Variants in NEURL1 observed in about 807,000 individuals in gnomAD.
The protein encoded by NEURL1 is E3 ubiquitin-protein ligase NEURL1.
A neutral mutation model predicts 41.2 loss-of-function variants in NEURL1; 26 were observed. That is an observed-to-expected ratio of 0.63 (90% CI 0.46 to 0.87). The LOEUF (loss-of-function observed/expected upper bound fraction) is 0.87. Among genes scored for constraint, NEURL1 ranks in the 40% least tolerant of loss-of-function variants. The probability of loss-of-function intolerance (pLI) is 0.00; values close to 1 mark genes in which losing one functional copy is unlikely to be tolerated. For missense variants in NEURL1, 761 were observed against 871.1 expected (o/e 0.87, Z 1.59); for synonymous variants, 400 against 402.3 (o/e 0.99, Z 0.07).
chr10:103,586,618 G>A (rs1426550697), intron 4 of NEURL1, among the ~76,000 whole-genome samples: 13 of 152,208 alleles, frequency 8.5e-5, no homozygotes, highest in Admixed American at 8.5e-4. Context: ...ATAGGCACAT[G>A]TGAGTAACTG....
chr10:103,531,551 G>A (rs1243203903), intron 1 of NEURL1, among the ~76,000 whole-genome samples: 2 of 151,178 alleles, frequency 1.3e-5, no homozygotes, highest in African/African-American at 4.9e-5. Context: ...CACTTTTTTT[G>A]AGACAGGGTC....
chr10:103,520,217 G>A (rs879313348), intron 1 of NEURL1, among the ~76,000 whole-genome samples: 6 of 152,188 alleles, frequency 3.9e-5, no homozygotes, highest in South Asian at 2.1e-4. Flanking sequence ...TGTCACGTAC[G>A]TCCGTGTGAA....
In NEURL1 at chr10:103,523,266, G is replaced by A. The variant is rs117222515; in HGVS notation, c.85+28794G>A. Among the ~76,000 whole-genome samples the A allele has an allele frequency of 5.6e-4, 85 of 151,992 alleles. 1 individual carries two copies. The East Asian group carries it at 0.015, about 27-fold the overall frequency. On this transcript the variant is annotated intron_variant, in intron 1 of 5. Transcript: ENST00000369780. ...GGCTAGGGGTTTGAGACCAGCATGG[G>A]CAACATAGTGAGACCCCCATCTTTA...
At chr10:103,549,231 A>G (rs575493265) in intron 1 of NEURL1, 1 of 152,602 alleles carries the variant, frequency 6.6e-6, no homozygotes, top group African/African-American at 2.4e-5. Flanking sequence ...AACTCCATCC[A>G]GGTTCTGTTT....
At chr10:103,577,790 T>A (rs1458217456) in intron 3 of NEURL1, 2 of 152,192 alleles carry the variant, frequency 1.3e-5, no homozygotes, top group African/African-American at 2.4e-5. Flanking sequence ...GTGGGGAAGG[T>A]CGGTCTGCCT....
intron 3 of NEURL1, among the ~76,000 whole-genome samples, chr10:103,581,285 C>G (rs1244650843): frequency 2.6e-5 from 4 of 152,170 alleles, no homozygotes; most frequent in Admixed American, 2.6e-4. Context: ...TGGATCACCC[C>G]AAAGCCCATG....
intron 5 of NEURL1, 68 bp downstream of exon 5, chr10:103,589,728 T>A: frequency 2.6e-6 from 4 of 1,544,248 alleles, no homozygotes; most frequent in Non-Finnish European, 3.5e-6. Flanking sequence ...AGCCTTTGTG[T>A]CCGGGGCTGG....
intron 3 of NEURL1, among the ~76,000 whole-genome samples, chr10:103,573,051 C>T (rs2035584032): frequency 6.6e-6 from 1 of 151,702 alleles, no homozygotes. Context: ...CTTCTGTCCA[C>T]AACACTTTTG....
chr10:103,552,968 G>T (rs184061580), intron 1 of NEURL1, among the ~76,000 whole-genome samples: 3 of 152,328 alleles, frequency 2.0e-5, no homozygotes, highest in Admixed American at 1.3e-4. Flanking sequence ...ATGGGAAGGG[G>T]GCATTCCAAG....
At chr10:103,531,311 T>G (rs2034564886) in intron 1 of NEURL1, among the ~76,000 whole-genome samples, 1 of 152,228 alleles carries the variant, frequency 6.6e-6, no homozygotes, top group Non-Finnish European at 1.5e-5. Context: ...TTTGTTGATT[T>G]CCTATCTAGA....
At chr10:103,514,753 A>T (rs977066949) in intron 1 of NEURL1, among the ~76,000 whole-genome samples, 8 of 152,280 alleles carry the variant, frequency 5.3e-5, no homozygotes, top group African/African-American at 1.7e-4. Context: ...TTCAAAACCC[A>T]GGGACCCTAA....
chr10:103,515,661 G>C (rs1231859104), intron 1 of NEURL1, among the ~76,000 whole-genome samples: 1 of 152,240 alleles, frequency 6.6e-6, no homozygotes, highest in East Asian at 1.9e-4. Context: ...ACCACCTAGT[G>C]AAACATTTAG....
chr10:103,555,616 G>A (rs1291175152), intron 1 of NEURL1, among the ~76,000 whole-genome samples: 1 of 152,102 alleles, frequency 6.6e-6, no homozygotes, highest in Non-Finnish European at 1.5e-5. Context: ...GCAGGAAGAG[G>A]GGTGCCTTCC....
intron 1 of NEURL1, among the ~76,000 whole-genome samples, chr10:103,552,497 C>A (rs1217273574): frequency 6.6e-6 from 1 of 152,222 alleles, no homozygotes; most frequent in Non-Finnish European, 1.5e-5. Context: ...GGGCCATTAG[C>A]CTTCAGATCT....
intron 1 of NEURL1, among the ~76,000 whole-genome samples, chr10:103,559,883 C>T (rs551268626): frequency 6.6e-6 from 1 of 151,844 alleles, no homozygotes; most frequent in South Asian, 2.1e-4. Context: ...TACGCACACA[C>T]ATACACACAT....
At chr10:103,495,630 C>G (rs999938722) in intron 1 of NEURL1, among the ~76,000 whole-genome samples, 2 of 152,240 alleles carry the variant, frequency 1.3e-5, no homozygotes, top group East Asian at 1.9e-4. Context: ...AATTCTGTCC[C>G]TTCTTTTGCT....
At chr10:103,573,070 G>T (rs186628503) in intron 3 of NEURL1, among the ~76,000 whole-genome samples, 1 of 151,966 alleles carries the variant, frequency 6.6e-6, no homozygotes, top group East Asian at 1.9e-4. Flanking sequence ...TGAGCAAAAA[G>T]TCAGTGATAG....
chr10:103,584,370 G>C (rs1432092873), intron 3 of NEURL1, among the ~76,000 whole-genome samples, 166 bp from the exon 4 acceptor site: 1 of 152,220 alleles, frequency 6.6e-6, no homozygotes, highest in African/African-American at 2.4e-5. Context: ...CAGATGTCCT[G>C]CAAGAGTCGT....
At chr10:103,503,196 T>G (rs1432826110) in intron 1 of NEURL1, among the ~76,000 whole-genome samples, 1 of 150,772 alleles carries the variant, frequency 6.6e-6, no homozygotes, top group South Asian at 2.1e-4. Context: ...AAGTGGGAGG[T>G]GGTGAGGGGC....
Sources: allele counts gnomAD v4.1 joint callset (sites outside exome capture counted in the v4.1 genomes callset), GRCh38; gene constraint gnomAD v4.1.1; transcripts MANE v1.5; gene names NCBI Gene and HGNC (gene_info 2026-07-23, HGNC 2026-07-21).